PCDHGB2: variants seen among roughly 807,000 people sequenced by gnomAD.
The protein encoded by PCDHGB2 is protocadherin gamma-B2.
PCDHGB2 carries 55 observed loss-of-function variants against 59.3 expected under a neutral mutation model. The ratio of observed to expected loss-of-function variants is 0.93; its 90% CI spans 0.75 to 1.16. PCDHGB2 has a LOEUF of 1.16. Ranked by LOEUF, PCDHGB2 falls within the 50% of genes most tolerant of loss-of-function variation. PCDHGB2 has a pLI of 0.00. For missense variants in PCDHGB2, 1,228 were observed against 1,198.5 expected (o/e 1.02, Z -0.36); for synonymous variants, 516 against 512.0 (o/e 1.01, Z -0.11).
chr5:141,478,385 T>C (rs919846683), intron 1 of PCDHGB2: 1 of 1,613,628 alleles, frequency 6.2e-7, no homozygotes, highest in Non-Finnish European at 8.5e-7. Context: ...GCCGCACCTT[T>C]ACCATCAGGT....
In PCDHGB2 at chr5:141,486,476, C is replaced by G. The variant is rs765887978; in HGVS notation, c.2422-8331C>G. The G allele has an allele frequency of 5.0e-6, 8 of 1,613,934 alleles. No homozygotes were observed. In the South Asian group the frequency reaches 7.7e-5, roughly 16 times the overall value. ...TGCTTCTGATGCTGGGAACCCTCCTCTCAGTACCCACAGAACTATTTTCCT... is the reference window on the plus strand; with the variant it reads ...TGCTTCTGATGCTGGGAACCCTCCTGTCAGTACCCACAGAACTATTTTCCT... On this transcript the variant is annotated intron_variant, in intron 1 of 3. Coordinates refer to ENST00000522605, the MANE Select transcript of PCDHGB2 (RefSeq NM_018923.3). The surrounding 1 kb of genome is among the most constrained non-coding windows in gnomAD (Gnocchi z 5.0).
Position 141,485,814 on chromosome 5 carries a change from C to T in PCDHGB2, c.2422-8993C>T, listed in dbSNP as rs2099619616. 7.4e-6 allele frequency: 12 copies of T among 1,613,982 alleles called. No individual in the cohort carries two copies. The East Asian group carries it at 2.2e-4, about 30-fold the overall frequency. On this transcript the variant is annotated intron_variant, in intron 1 of 3. Coordinates refer to ENST00000522605, the MANE Select transcript of PCDHGB2 (RefSeq NM_018923.3). This position sits in a 1 kb window ranked among gnomAD's most constrained non-coding sequence, Gnocchi z 5.7. ...TCGGACTACCGCCTGGTGCTGACTG[C>T]TGTCGATGGAGGGAACCCGCCGAGA...
chr5:141,425,881 A>C (rs911454948), intron 1 of PCDHGB2, among the ~76,000 whole-genome samples: 1 of 152,230 alleles, frequency 6.6e-6, no homozygotes, highest in African/African-American at 2.4e-5. Context: ...TCTCTAAGGA[A>C]TCTTCTTTGG....
chr5:141,438,627 T>C (rs55817844), intron 1 of PCDHGB2, among the ~76,000 whole-genome samples: 510 of 47,978 alleles, frequency 0.011, 3 homozygotes, highest in Admixed American at 0.017. Context: ...TATATATATA[T>C]ATATATATAC....
rs183952562 is a variant in PCDHGB2 at position 141,423,399 on chromosome 5, C to A, written c.2421+60843C>A. On this transcript the variant is annotated intron_variant, in intron 1 of 3. Transcript: ENST00000522605. ...GGCTGTGGCGCTGGCATAAGTCACG[C>A]CTGCTGCAGGCTTCTGAAGGCGGGT... 3.5e-5 allele frequency: 56 copies of A among 1,614,150 alleles called. No homozygotes were observed. The East Asian group carries it at 1.1e-3, about 33-fold the overall frequency.
chr5:141,509,882 G>A (rs1374735632), intron 3 of PCDHGB2, among the ~76,000 whole-genome samples: 1 of 152,182 alleles, frequency 6.6e-6, no homozygotes. Context: ...GGTGGTGATG[G>A]TGACTGACTG....
At position 141,365,599 on chromosome 5, in the gene PCDHGB2, C is replaced by G. The variant is rs368039042; in HGVS notation, c.2421+3043C>G. On this transcript the variant is annotated intron_variant, in intron 1 of 3. Transcript: ENST00000522605. ...CTTCAGATTATAATATCACTTTAAC[C>G]GTCATGGACCATGGAACCCCGCCCC... is the stretch of plus-strand genomic sequence containing the variant. 1.4e-4 allele frequency: 222 copies of G among 1,613,638 alleles called. 2 individuals carry two copies. In the South Asian group the frequency reaches 2.3e-3, roughly 17 times the overall value.
rs57426385 is a variant in PCDHGB2, at chr5:141,415,740, G to GTTTTTTTTTTTTT, written c.2421+53204_2421+53216dup. ...TGAGTAGAATTTGATGTTTATTAAGGTTTTTTTTTTTTTTTTTTTTTTTTT... is the reference window on the plus strand; with the variant it reads ...TGAGTAGAATTTGATGTTTATTAAGGTTTTTTTTTTTTTTTTTTTTTTTTTTTTTTTTTTTTTT... On this transcript the variant is annotated intron_variant, in intron 1 of 3. Coordinates refer to ENST00000522605, the MANE Select transcript of PCDHGB2 (RefSeq NM_018923.3). The GTTTTTTTTTTTTT allele has an allele frequency of 2.5e-4, 159 of 625,022 alleles. 3 individuals carry two copies. Among genetic ancestry groups the GTTTTTTTTTTTTT allele is most frequent in the Admixed American group, 5.7e-4 (8 of 14,124 alleles). 38.7% of individuals were successfully genotyped at this position (625,022 alleles called of 1,614,324 possible).
At position 141,486,002 on chromosome 5, in the gene PCDHGB2, G is replaced by A. The variant is rs372373315; in HGVS notation, c.2422-8805G>A. ...CCCGGACCTGGGTCCCAGTGGTAAC[G>A]TCACCTTTTATTTCAGTGGTCATAC... On this transcript the variant is annotated intron_variant, in intron 1 of 3. Coordinates refer to ENST00000522605, the MANE Select transcript of PCDHGB2 (RefSeq NM_018923.3). The surrounding 1 kb of genome is among the most constrained non-coding windows in gnomAD (Gnocchi z 5.0). 2.0e-5 allele frequency: 33 copies of A among 1,614,030 alleles called. No homozygotes were observed. The highest frequency in any genetic ancestry group is 2.8e-5 in the Non-Finnish European group (33 of 1,180,014).
At chr5:141,429,329 A>G (rs1561840804) in intron 1 of PCDHGB2, among the ~76,000 whole-genome samples, 1 of 152,122 alleles carries the variant, frequency 6.6e-6, no homozygotes, top group Non-Finnish European at 1.5e-5. Flanking sequence ...TCTTTAATCC[A>G]TTAACTATAA....
At chr5:141,397,818 T>TAA (rs748152113) in intron 1 of PCDHGB2, among the ~76,000 whole-genome samples, 1 of 152,226 alleles carries the variant, frequency 6.6e-6, no homozygotes, top group Non-Finnish European at 1.5e-5. Flanking sequence ...CAAAAACAAT[T>TAA]ACTGCACTGG....
rs758417744 is a variant in PCDHGB2, at chr5:141,430,916, G to A, written c.2422-63891G>A. On this transcript the variant is annotated intron_variant, in intron 1 of 3. Coordinates refer to ENST00000522605, the MANE Select transcript of PCDHGB2 (RefSeq NM_018923.3). ...GGTGGGCGACATCTCCAGGGACCTG[G>A]GGCTGGAGCCCCGGGAGCTCGCGGA... The A allele has an allele frequency of 1.9e-6, 3 of 1,607,878 alleles. No individual in the cohort carries two copies. The East Asian group carries it at 6.7e-5, about 36-fold the overall frequency.
At position 141,484,779 on chromosome 5, in the gene PCDHGB2, C is replaced by G. The variant is rs186158562; in HGVS notation, c.2422-10028C>G. On this transcript the variant is annotated intron_variant, in intron 1 of 3. Transcript: ENST00000522605. ...ATATATATATATGTTGTCTGCCTCCCCACAGAGATAACAACCCGTGGAAAA... is the reference window on the plus strand; with the variant it reads ...ATATATATATATGTTGTCTGCCTCCGCACAGAGATAACAACCCGTGGAAAA... Among the ~76,000 whole-genome samples, 137 of 152,130 alleles carry G rather than the reference C, an allele frequency of 9.0e-4. 1 individual carries two copies. Among genetic ancestry groups the G allele is most frequent in the Non-Finnish European group, 1.6e-3 (110 of 67,996 alleles).
intron 1 of PCDHGB2, chr5:141,388,455 T>C: frequency 6.2e-7 from 1 of 1,613,784 alleles, no homozygotes; most frequent in South Asian, 1.1e-5. Flanking sequence ...TGGCAGTAAA[T>C]ACCCTGAGAT....
chr5:141,455,541 A>G (rs2098825752), intron 1 of PCDHGB2, among the ~76,000 whole-genome samples: 1 of 152,134 alleles, frequency 6.6e-6, no homozygotes, highest in African/African-American at 2.4e-5. Context: ...CATATCATTC[A>G]CGTAGCCCGA....
At chr5:141,468,402 T>A (rs2154569909) in intron 1 of PCDHGB2, 1 of 150,014 alleles carries the variant, frequency 6.7e-6, no homozygotes, top group East Asian at 2.0e-4. Context: ...TGGTGAGAAC[T>A]AATAATAAGT....
chr5:141,366,186 T>C, intron 1 of PCDHGB2: 1 of 1,613,974 alleles, frequency 6.2e-7, no homozygotes, highest in Non-Finnish European at 8.5e-7. Context: ...CTCTTTGCGG[T>C]TGGGCTGCAC....
Position 141,383,201 on chromosome 5 carries a change from G to A in PCDHGB2, c.2421+20645G>A, listed in dbSNP as rs368180461. ...GAAGAGATCTGCGCTCAGAGTGCGCGGTGTCTGGTAAACTTTAACATCCTG... is the reference window on the plus strand; with the variant it reads ...GAAGAGATCTGCGCTCAGAGTGCGCAGTGTCTGGTAAACTTTAACATCCTG... On this transcript the variant is annotated intron_variant, in intron 1 of 3. Coordinates refer to ENST00000522605, the MANE Select transcript of PCDHGB2 (RefSeq NM_018923.3). 4.3e-6 allele frequency: 7 copies of A among 1,613,882 alleles called. No individual in the cohort carries two copies. In the African/African-American group the frequency reaches 9.3e-5, roughly 22 times the overall value.
rs754972380 is a variant in PCDHGB2 at position 141,362,072 on chromosome 5, T to C, written c.1937T>C (p.Val646Ala). 9 of 1,612,630 alleles carry C rather than the reference T, an allele frequency of 5.6e-6. No individual in the cohort carries two copies. In the East Asian group the frequency reaches 1.3e-4, roughly 24 times the overall value. ...DAARQRLLVAVRDGGQPPLSA... is the reference protein window; with the variant it reads ...DAARQRLLVAARDGGQPPLSA... ...GCCCGCCAGCGCCTGCTGGTCGCTG[T>C]GCGTGATGGAGGACAGCCGCCACTC... Residue 646 changes from valine (V) to alanine (A), a missense_variant, in exon 1 of 4, where the codon GTG becomes GCG. By Grantham distance (64) the Val-to-Ala change is moderately conservative (BLOSUM62 0). Transcript: ENST00000522605.
Sources: gnomAD v4.1 joint callset for allele counts (sites outside exome capture counted in the v4.1 genomes callset) on GRCh38, gnomAD v4.1.1 for gene constraint, Gnocchi (gnomAD v3.1) non-coding constraint, MANE v1.5 for transcripts, NCBI Gene and HGNC (gene_info 2026-07-23, HGNC 2026-07-21) for gene names.